The following FCHSD2 variants were observed in gnomAD, a reference collection of about 807,000 sequenced individuals.
FCHSD2 encodes the protein FCH and double SH3 domains 2.
Under a neutral mutation model 108.1 loss-of-function variants are expected in FCHSD2, and 38 were observed. That is an observed-to-expected ratio of 0.35 (90% CI 0.27 to 0.46). FCHSD2 has a LOEUF of 0.46. Ranked by LOEUF, FCHSD2 falls within the 20% of genes least tolerant of loss-of-function variation. The probability of loss-of-function intolerance (pLI) is 1.00; values close to 1 mark genes in which losing one functional copy is unlikely to be tolerated. For missense variants in FCHSD2, 751 were observed against 897.8 expected, an observed-to-expected ratio of 0.84 and a Z score of 2.09; for synonymous variants, 279 against 314.7, an observed-to-expected ratio of 0.89 and a Z score of 1.20.
rs376826385 is a variant in FCHSD2, at chr11:72,889,779, T to C, written c.1041+50A>G. The C allele has an allele frequency of 1.3e-5, 13 of 1,020,228 alleles. No individual in the cohort carries two copies. In the East Asian group the frequency reaches 1.4e-4, roughly 11 times the overall value. 63.2% of individuals were successfully genotyped at this position (1,020,228 alleles called of 1,614,324 possible). A position where few individuals can be genotyped will look rare whatever the true frequency, so the allele number is the denominator to read the frequency against. On this transcript the variant is annotated intron_variant, in intron 11 of 19. Transcript: ENST00000409418. ...AATAAAACTCAGTTCCTTAAACTGT[T>C]TGACATTTGGCTTAAGGTGAATGTA...
At chr11:72,890,467 C>T (rs1855291509) in intron 10 of FCHSD2, among the ~76,000 whole-genome samples, 1 of 152,180 alleles carries the variant, frequency 6.6e-6, no homozygotes, top group South Asian at 2.1e-4. Context: ...CATCAACTTG[C>T]CACCAAACCT....
chr11:73,018,705 C>G (rs559034253), intron 3 of FCHSD2, among the ~76,000 whole-genome samples: 1 of 152,174 alleles, frequency 6.6e-6, no homozygotes, highest in Non-Finnish European at 1.5e-5. Context: ...AAAAACTTCT[C>G]TGGTTCCTAA....
At chr11:73,126,119 A>G (rs931547536) in intron 2 of FCHSD2, among the ~76,000 whole-genome samples, 4 of 151,920 alleles carry the variant, frequency 2.6e-5, no homozygotes, top group Admixed American at 6.6e-5. Flanking sequence ...AGGTGGGCGG[A>G]TCACAAGGTC....
chr11:73,055,799 T>C (rs775509553), intron 3 of FCHSD2, among the ~76,000 whole-genome samples: 4 of 152,118 alleles, frequency 2.6e-5, no homozygotes, highest in Non-Finnish European at 2.9e-5. Context: ...TGATTCCATT[T>C]ATATGAAGTA....
chr11:72,888,000 T>C (rs1855234499), intron 11 of FCHSD2, among the ~76,000 whole-genome samples: 1 of 152,232 alleles, frequency 6.6e-6, no homozygotes, highest in Non-Finnish European at 1.5e-5. Context: ...GGCAAGAGAT[T>C]ATATGGATAC....
At chr11:73,096,231 A>C (rs2092508830) in intron 2 of FCHSD2, among the ~76,000 whole-genome samples, 1 of 152,068 alleles carries the variant, frequency 6.6e-6, no homozygotes, top group Non-Finnish European at 1.5e-5. Context: ...ATGAATTTTT[A>C]AACTTCTTGT....
chr11:72,913,910 T>C (rs1036241225), intron 9 of FCHSD2, among the ~76,000 whole-genome samples: 4 of 150,284 alleles, frequency 2.7e-5, no homozygotes, highest in African/African-American at 9.7e-5. Context: ...AAATCACTGC[T>C]GCTCAAATAA....
At chr11:73,129,185 C>T (rs991449227) in intron 2 of FCHSD2, among the ~76,000 whole-genome samples, 2 of 152,168 alleles carry the variant, frequency 1.3e-5, no homozygotes, top group African/African-American at 4.8e-5. Flanking sequence ...ACTCTAATTT[C>T]TAAATTGATG....
In FCHSD2 at chr11:73,000,728, G is replaced by C. The variant is rs953207753; in HGVS notation, c.387+262C>G. ...TGAAACTAAGTAGATCTATGTACTTGAATTATGCCGAAAAGCGGTATTACT... is the reference window on the plus strand; with the variant it reads ...TGAAACTAAGTAGATCTATGTACTTCAATTATGCCGAAAAGCGGTATTACT... On this transcript the variant is annotated intron_variant, in intron 5 of 19. Transcript: ENST00000409418. Among the ~76,000 whole-genome samples, 4 of 152,262 alleles carry C rather than the reference G, an allele frequency of 2.6e-5. No individual in the cohort carries two copies. The East Asian group carries it at 7.7e-4, about 29-fold the overall frequency.
At chr11:72,969,537 C>A (rs760407220) in intron 8 of FCHSD2, among the ~76,000 whole-genome samples, 16 of 152,120 alleles carry the variant, frequency 1.1e-4, no homozygotes, top group Non-Finnish European at 1.8e-4. Flanking sequence ...GTGTGCCTTG[C>A]ACAAAGTGGA....
intron 2 of FCHSD2, among the ~76,000 whole-genome samples, chr11:73,113,166 T>C (rs964864800): frequency 3.3e-5 from 5 of 152,046 alleles, no homozygotes; most frequent in Non-Finnish European, 7.4e-5. Flanking sequence ...TTTGTAAGTA[T>C]TTCAATCTCT....
At chr11:73,108,086 C>T (rs1386601678) in intron 2 of FCHSD2, among the ~76,000 whole-genome samples, 1 of 149,798 alleles carries the variant, frequency 6.7e-6, no homozygotes, top group Admixed American at 6.6e-5. Flanking sequence ...TTGTTACTGT[C>T]TGTCTTTTGG....
intron 10 of FCHSD2, among the ~76,000 whole-genome samples, chr11:72,895,853 G>A (rs774386221): frequency 6.6e-6 from 1 of 152,090 alleles, no homozygotes; most frequent in Non-Finnish European, 1.5e-5. Context: ...TCAACAGGAG[G>A]ACATCCCACA....
intron 2 of FCHSD2, among the ~76,000 whole-genome samples, chr11:73,109,024 G>A (rs1459082995): frequency 2.6e-5 from 4 of 152,120 alleles, no homozygotes; most frequent in African/African-American, 4.8e-5. Context: ...TTGCACCTTT[G>A]TCGAAAATGA....
chr11:73,051,857 C>T (rs1858904887), intron 3 of FCHSD2, among the ~76,000 whole-genome samples: 1 of 143,926 alleles, frequency 6.9e-6, no homozygotes, highest in Non-Finnish European at 1.5e-5. Flanking sequence ...AGGATGCTAA[C>T]ACGGTATATA....
chr11:72,988,212 C>T (rs149150936), intron 6 of FCHSD2, among the ~76,000 whole-genome samples: 1 of 152,188 alleles, frequency 6.6e-6, no homozygotes, highest in Non-Finnish European at 1.5e-5. Flanking sequence ...GCACACTGAC[C>T]CTGAGTCTCA....
At chr11:73,039,517 C>CAA (rs398115498) in intron 3 of FCHSD2, among the ~76,000 whole-genome samples, 57 of 139,632 alleles carry the variant, frequency 4.1e-4, no homozygotes, top group African/African-American at 7.3e-4. Flanking sequence ...ACTCCGTCTC[C>CAA]AAAAAAAAAA....
intron 9 of FCHSD2, among the ~76,000 whole-genome samples, chr11:72,913,115 C>G (rs899772873): frequency 5.3e-5 from 8 of 152,198 alleles, no homozygotes; most frequent in Non-Finnish European, 1.2e-4. Flanking sequence ...CACTCACTAC[C>G]AAGAGAACAG....
intron 3 of FCHSD2, among the ~76,000 whole-genome samples, chr11:73,074,740 G>A (rs1272720764): frequency 6.6e-6 from 1 of 152,134 alleles, no homozygotes; most frequent in Non-Finnish European, 1.5e-5. Context: ...GTCAAATTTG[G>A]AACGTATAAA....
Sources: allele counts gnomAD v4.1 joint callset (sites outside exome capture counted in the v4.1 genomes callset), GRCh38; gene constraint gnomAD v4.1.1; transcripts MANE v1.5; gene names NCBI Gene and HGNC (gene_info 2026-07-23, HGNC 2026-07-21).